The following KCNG2 variants were observed in gnomAD, a reference collection of about 807,000 sequenced individuals.
The protein encoded by KCNG2 is voltage-gated potassium channel regulatory subunit KCNG2.
KCNG2 carries 7 observed loss-of-function variants against 12.3 expected under a neutral mutation model. That is an observed-to-expected ratio of 0.57 (90% CI 0.32 to 1.07). The LOEUF (loss-of-function observed/expected upper bound fraction) is 1.07. Ranked by LOEUF, KCNG2 falls within the 50% of genes least tolerant of loss-of-function variation. KCNG2 has a pLI of 0.04. For synonymous variants in KCNG2, 414 were observed against 351.4 expected (o/e 1.18, Z -1.99); for missense variants, 703 against 726.0 (o/e 0.97, Z 0.36).
intron 3 of KCNG2, among the ~76,000 whole-genome samples, chr18:79,865,402 GAGGTCTGGGTGCTGAA>G (rs1205226736): frequency 2.9e-5 from 4 of 139,342 alleles, no homozygotes; most frequent in Non-Finnish European, 4.5e-5. Context: ...TGGGTGCTGA[GAGGTCTGGGTGCTGAA>G]AGGTCTGGGT....
At position 79,863,774 on chromosome 18, in the gene KCNG2, C is replaced by T. The variant is rs546545888; in HGVS notation, c.107C>T (p.Ala36Val). The T allele has an allele frequency of 1.2e-4, 149 of 1,269,656 alleles. No individual in the cohort carries two copies. The African/African-American group carries it at 1.9e-3, about 17-fold the overall frequency. 78.6% of individuals were successfully genotyped at this position (1,269,656 alleles called of 1,614,324 possible). A position where few individuals can be genotyped will look rare whatever the true frequency, so the allele number is the denominator to read the frequency against. Residue 36 changes from alanine (A) to valine (V), a missense_variant, in exon 3 of 4, where the codon GCG becomes GTG. Ala to Val is a moderately conservative substitution (Grantham distance 64). Coordinates refer to ENST00000316249, the MANE Select transcript of KCNG2 (RefSeq NM_012283.2). ...CRVRLAWAAL[A>V]RCPLARLERL... ...GTGCGCCTGGCATGGGCCGCGCTGG[C>T]GCGATGCCCCCTCGCGCGCCTGGAG... is the stretch of plus-strand genomic sequence containing the variant.
chr18:79,839,327 G>A (rs1022762144), intron 1 of KCNG2, among the ~76,000 whole-genome samples: 1 of 152,048 alleles, frequency 6.6e-6, no homozygotes, highest in Non-Finnish European at 1.5e-5. Context: ...TTCCTGGCAA[G>A]CCCAACAAAA....
At chr18:79,856,581 G>A (rs1265633909) in intron 2 of KCNG2, among the ~76,000 whole-genome samples, 129 bp downstream of exon 2, 1 of 152,162 alleles carries the variant, frequency 6.6e-6, no homozygotes, top group Non-Finnish European at 1.5e-5. Context: ...TGAGACTCTG[G>A]TGACTGTTGA....
chr18:79,899,293 T>C lies in KCNG2; in HGVS notation c.878T>C (p.Leu293Pro). 2.5e-6 allele frequency: 4 copies of C among 1,569,890 alleles called. No individual in the cohort carries two copies. The highest frequency in any genetic ancestry group is 3.4e-6 in the Non-Finnish European group (4 of 1,166,772). Residue 293 changes from leucine to proline, a missense_variant, in exon 4 of 4, where the codon CTG becomes CCG. Physicochemically the swap from Leu to Pro is moderately conservative, Grantham distance 98. Coordinates refer to ENST00000316249, the MANE Select transcript of KCNG2 (RefSeq NM_012283.2). ...AGLVLRLLRA[L>P]RVLYVMRLAR... ...CTGGTGCTGCGGCTGCTGCGTGCGC[T>C]GCGCGTGCTCTACGTGATGCGCCTG...
At chr18:79,818,995 G>A (rs1260416688) in intron 1 of KCNG2, among the ~76,000 whole-genome samples, 1 of 152,220 alleles carries the variant, frequency 6.6e-6, no homozygotes, top group Non-Finnish European at 1.5e-5. Context: ...AGTTCTGCTG[G>A]GGGCTCCACA....
At chr18:79,898,396 C>T (rs1353914762) in intron 3 of KCNG2, among the ~76,000 whole-genome samples, 4 of 152,232 alleles carry the variant, frequency 2.6e-5, no homozygotes, top group Non-Finnish European at 4.4e-5. Flanking sequence ...TCTCAGTGTG[C>T]CACACCCAAG....
At chr18:79,826,400 C>T (rs1414247523) in intron 1 of KCNG2, among the ~76,000 whole-genome samples, 1 of 152,252 alleles carries the variant, frequency 6.6e-6, no homozygotes, top group Non-Finnish European at 1.5e-5. Flanking sequence ...GCCCACCGCA[C>T]GAAGCTTCAC....
intron 1 of KCNG2, among the ~76,000 whole-genome samples, chr18:79,836,446 A>G (rs1978325838): frequency 6.6e-6 from 1 of 152,242 alleles, no homozygotes; most frequent in African/African-American, 2.4e-5. Flanking sequence ...CAACAGATCT[A>G]TTTGATATTT....
intron 1 of KCNG2, among the ~76,000 whole-genome samples, chr18:79,798,840 C>T (rs756297364): frequency 3.3e-5 from 5 of 152,196 alleles, no homozygotes; most frequent in Non-Finnish European, 7.4e-5. Flanking sequence ...TGAACTGGGC[C>T]CGCTCCGCGT....
chr18:79,799,809 G>A (rs1228271599), intron 1 of KCNG2, among the ~76,000 whole-genome samples: 1 of 152,150 alleles, frequency 6.6e-6, no homozygotes, highest in Non-Finnish European at 1.5e-5. Context: ...GGAAGTGTGT[G>A]GGGGGCGGGT....
At chr18:79,872,136 A>T (rs1050068751) in intron 3 of KCNG2, among the ~76,000 whole-genome samples, 2 of 151,904 alleles carry the variant, frequency 1.3e-5, no homozygotes, top group Non-Finnish European at 2.9e-5. Context: ...CAGGGGAGGA[A>T]GATAACAGGC....
intron 1 of KCNG2, among the ~76,000 whole-genome samples, chr18:79,819,213 G>A (rs2087552938): frequency 6.6e-6 from 1 of 152,190 alleles, no homozygotes; most frequent in Non-Finnish European, 1.5e-5. Flanking sequence ...AGAGGGAGAA[G>A]GCCGGCAGCC....
intron 1 of KCNG2, among the ~76,000 whole-genome samples, chr18:79,853,319 A>T (rs1251461778): frequency 6.6e-6 from 1 of 152,190 alleles, no homozygotes; most frequent in East Asian, 1.9e-4. Context: ...GGTGCAGGTG[A>T]GTCTGACGAG....
chr18:79,844,438 A>G lies in KCNG2; in HGVS notation c.-114-11941A>G, dbSNP rs531968524. The stretch of plus-strand genomic sequence containing the variant: ...TGTTGATCAAAGGGTACAAAGTTTT[A>G]GTTATACAAGATTAATCACTTCCAG... On this transcript the variant is annotated intron_variant, in intron 1 of 3. Coordinates refer to ENST00000316249, the MANE Select transcript of KCNG2 (RefSeq NM_012283.2). 3.1e-4 allele frequency among the ~76,000 whole-genome samples: 47 copies of G among 152,306 alleles called. No homozygotes were observed. In the South Asian group the frequency reaches 8.1e-3, roughly 26 times the overall value.
In KCNG2 at chr18:79,899,367, T is replaced by TGC; in HGVS notation, c.960_961dup (p.Glu321AlafsTer48). On this transcript the variant is annotated frameshift_variant, in exon 4 of 4. Transcript: ENST00000316249. LOFTEE classifies it low-confidence loss of function (END_TRUNC). ...TTCGCTGGGCCTGACCATGCGCCGCTGCGCGCGCGAGTTCGGGCTGCTGCT... is the reference window on the plus strand; with the variant it reads ...TTCGCTGGGCCTGACCATGCGCCGCTGCGCGCGCGCGAGTTCGGGCTGCTGCT... 6.4e-7 allele frequency: 1 copy of TGC among 1,556,460 alleles called. No individual in the cohort carries two copies. The highest frequency in any genetic ancestry group is 1.2e-5 in the South Asian group (1 of 85,864).
At chr18:79,846,902 A>C (rs1309366950) in intron 1 of KCNG2, among the ~76,000 whole-genome samples, 3 of 152,176 alleles carry the variant, frequency 2.0e-5, no homozygotes, top group Non-Finnish European at 4.4e-5. Context: ...GGAGCCTAGA[A>C]TAGTCTTCCT....
chr18:79,814,902 C>A (rs142470159), intron 1 of KCNG2, among the ~76,000 whole-genome samples: 9 of 137,120 alleles, frequency 6.6e-5, no homozygotes, highest in African/African-American at 2.5e-4. Context: ...GTGCTTTTAC[C>A]CTGTGTGCTT....
At chr18:79,860,358 ATTTAGGGAAGAT>A (rs1979167416) in intron 2 of KCNG2, among the ~76,000 whole-genome samples, 1 of 152,234 alleles carries the variant, frequency 6.6e-6, no homozygotes, top group South Asian at 2.1e-4. Flanking sequence ...CTGTTGATCA[ATTTAGGGAAGAT>A]TGCCATCTTA....
chr18:79,850,458 ATTCAGAG>A (rs1978779255), intron 1 of KCNG2, among the ~76,000 whole-genome samples: 1 of 152,206 alleles, frequency 6.6e-6, no homozygotes, highest in Non-Finnish European at 1.5e-5. Flanking sequence ...TCCATGTTTT[ATTCAGAG>A]TTCCTATTTC....
Sources: allele counts gnomAD v4.1 joint callset (sites outside exome capture counted in the v4.1 genomes callset), GRCh38; gene constraint gnomAD v4.1.1; transcripts MANE v1.5; gene names NCBI Gene and HGNC (gene_info 2026-07-23, HGNC 2026-07-21).